The following OTUD7B variants were observed in gnomAD, a reference collection of about 807,000 sequenced individuals.
The protein encoded by OTUD7B is OTU domain-containing protein 7B.
In OTUD7B, 34 loss-of-function variants were observed where a neutral mutation model predicts 82.2. The ratio of observed to expected loss-of-function variants is 0.41; its 90% confidence interval spans 0.31 to 0.55. The LOEUF (loss-of-function observed/expected upper bound fraction) is 0.55. Ranked by LOEUF, OTUD7B falls within the 20% of genes least tolerant of loss-of-function variation. OTUD7B has a pLI of 0.20. For synonymous variants in OTUD7B, 398 were observed against 402.7 expected (o/e 0.99, Z 0.14); for missense variants, 944 against 1,062.1 (o/e 0.89, Z 1.55).
chr1:149,995,827 A>G (rs1375331591), intron 1 of OTUD7B, among the ~76,000 whole-genome samples: 2 of 152,192 alleles, frequency 1.3e-5, no homozygotes, highest in Non-Finnish European at 2.9e-5. Context: ...GTAATCTAAA[A>G]CAAGTCCTCT....
chr1:150,038,037 G>C, the OTUD7B span, among the ~76,000 whole-genome samples: 1 of 151,328 alleles, frequency 6.6e-6, no homozygotes, highest in Non-Finnish European at 1.5e-5. Flanking sequence ...TTGTATTTTT[G>C]TTGTAGTGAC....
the OTUD7B span, among the ~76,000 whole-genome samples, chr1:150,051,089 C>T: frequency 6.6e-5 from 10 of 151,572 alleles, no homozygotes; most frequent in African/African-American, 2.4e-4. Flanking sequence ...ATTAGCCAGG[C>T]GTGGTGGCAG....
chr1:150,031,752 C>T, the OTUD7B span, among the ~76,000 whole-genome samples: 53 of 152,156 alleles, frequency 3.5e-4, no homozygotes, highest in Non-Finnish European at 5.9e-4. Flanking sequence ...TATGTCTCAG[C>T]TTTATCATCT....
chr1:150,004,257 T>C (rs1319013452), intron 1 of OTUD7B, among the ~76,000 whole-genome samples: 1 of 152,114 alleles, frequency 6.6e-6, no homozygotes, highest in Non-Finnish European at 1.5e-5. Context: ...AAAAATCTTC[T>C]ACCATTTAAA....
the OTUD7B span, among the ~76,000 whole-genome samples, chr1:150,035,419 A>C: frequency 1.3e-4 from 20 of 152,298 alleles, no homozygotes; most frequent in South Asian, 3.7e-3. Flanking sequence ...CACAGGGTTC[A>C]GGTATGGGTG....
intron 7 of OTUD7B, among the ~76,000 whole-genome samples, chr1:149,952,410 T>C (rs1301765266): frequency 6.6e-6 from 1 of 152,208 alleles, no homozygotes; most frequent in Non-Finnish European, 1.5e-5. Flanking sequence ...TAGTATTCCA[T>C]GGTGTATATG....
the OTUD7B span, among the ~76,000 whole-genome samples, chr1:150,028,203 T>C: frequency 1.3e-5 from 2 of 152,170 alleles, no homozygotes; most frequent in East Asian, 3.8e-4. Flanking sequence ...ACAGATACCA[T>C]GAAGCCAAAC....
intron 1 of OTUD7B, 84 bp downstream of exon 1, chr1:150,010,364 C>T (rs1652960576): frequency 6.6e-6 from 1 of 152,326 alleles, no homozygotes; most frequent in Non-Finnish European, 1.5e-5. Context: ...CAGTGGCGAT[C>T]TGAGGAGCAG....
At chr1:150,036,100 G>A in the OTUD7B span, among the ~76,000 whole-genome samples, 4 of 151,368 alleles carry the variant, frequency 2.6e-5, no homozygotes, top group Admixed American at 6.6e-5. Context: ...CCACAGGCAC[G>A]TGCCACCACA....
At chr1:149,966,487 G>A (rs1466305627) in intron 4 of OTUD7B, among the ~76,000 whole-genome samples, 1 of 152,078 alleles carries the variant, frequency 6.6e-6, no homozygotes, top group African/African-American at 2.4e-5. Context: ...ATCACGTGTG[G>A]GGTGTGACTT....
rs114198584 is a variant in OTUD7B, at chr1:149,979,919, C to A, written c.-66-2343G>T. Among the ~76,000 whole-genome samples, 827 of 152,162 alleles carry A rather than the reference C, an allele frequency of 5.4e-3. 6 individuals are homozygous for A. The highest frequency in any genetic ancestry group is 0.019 in the African/African-American group (783 of 41,500). ...GTATAGCTGCAAAATAAATTTCAATCTTCTCTCTTTAAAAAAAAGCAACGC... is the reference window on the plus strand; with the variant it reads ...GTATAGCTGCAAAATAAATTTCAATATTCTCTCTTTAAAAAAAAGCAACGC... On this transcript the variant is annotated intron_variant, in intron 1 of 11. Coordinates refer to ENST00000581312, the MANE Select transcript of OTUD7B (RefSeq NM_020205.4).
At chr1:149,952,878 G>A (rs906329481) in intron 7 of OTUD7B, among the ~76,000 whole-genome samples, 6 of 152,088 alleles carry the variant, frequency 3.9e-5, no homozygotes, top group Non-Finnish European at 7.4e-5. Context: ...TATATGCTTC[G>A]CCCACTTTTT....
chr1:149,964,174 A>G, intron 6 of OTUD7B, 48 bp downstream of exon 6: 1 of 1,601,486 alleles, frequency 6.2e-7, no homozygotes. Context: ...TGACTTTGGC[A>G]GCTTGGTAAC....
At chr1:150,022,252 G>C in the OTUD7B span, among the ~76,000 whole-genome samples, 2 of 151,976 alleles carry the variant, frequency 1.3e-5, no homozygotes, top group Non-Finnish European at 2.9e-5. Flanking sequence ...ACAAAGATTA[G>C]CCAGGCGTGT....
chr1:150,046,630 T>TC, the OTUD7B span, among the ~76,000 whole-genome samples: 4 of 149,690 alleles, frequency 2.7e-5, no homozygotes, highest in Admixed American at 6.7e-5. Context: ...TTTTTTTTTT[T>TC]AGTAGAGACG....
the OTUD7B span, among the ~76,000 whole-genome samples, chr1:150,046,732 A>G: frequency 6.1e-5 from 9 of 148,692 alleles, no homozygotes; most frequent in Non-Finnish European, 1.0e-4. Context: ...TATAGGCGTT[A>G]GCCACCACGT....
intron 1 of OTUD7B, among the ~76,000 whole-genome samples, chr1:149,983,895 G>A (rs968341663): frequency 2.6e-5 from 4 of 152,080 alleles, no homozygotes; most frequent in African/African-American, 9.7e-5. Flanking sequence ...TGAAGGTTGA[G>A]GGAAATGGAT....
the OTUD7B span, chr1:150,054,495 T>C: frequency 2.0e-6 from 1 of 489,928 alleles, no homozygotes; most frequent in Non-Finnish European, 4.0e-6. Context: ...CCAAAACATC[T>C]TACTGATACT....
At chr1:150,065,870 G>A in the OTUD7B span, among the ~76,000 whole-genome samples, 3 of 127,102 alleles carry the variant, frequency 2.4e-5, no homozygotes, top group African/African-American at 1.1e-4. Flanking sequence ...ATATCTTATC[G>A]CTCAATGTAT....
Sources: gnomAD v4.1 joint callset for allele counts (sites outside exome capture counted in the v4.1 genomes callset) on GRCh38, gnomAD v4.1.1 for gene constraint, MANE v1.5 for transcripts, NCBI Gene and HGNC (gene_info 2026-07-23, HGNC 2026-07-21) for gene names.